Variants in CNTN5 observed in about 807,000 individuals in gnomAD.
CNTN5 encodes the protein contactin 5.
Under a neutral mutation model 129.1 loss-of-function variants are expected in CNTN5, and 77 were observed. The observed-to-expected ratio is 0.60, with a 90% CI of 0.50 to 0.72. The LOEUF is 0.72. CNTN5 is among the 30% of genes least tolerant of loss of function. The pLI is 0.00. For synonymous variants in CNTN5, 509 were observed against 465.6 expected (o/e 1.09, Z -1.20); for missense variants, 1,478 against 1,328.8 (o/e 1.11, Z -1.75).
At chr11:99,344,715 A>G (rs531325669) in intron 2 of CNTN5, among the ~76,000 whole-genome samples, 1 of 152,212 alleles carries the variant, frequency 6.6e-6, no homozygotes, top group Non-Finnish European at 1.5e-5. Context: ...AAAAGCATCA[A>G]AATGAGCAGC....
At chr11:99,283,933 C>A (rs1345228889) in intron 1 of CNTN5, among the ~76,000 whole-genome samples, 1 of 152,086 alleles carries the variant, frequency 6.6e-6, no homozygotes, top group African/African-American at 2.4e-5. Context: ...AGTACATTAA[C>A]CTTGCAAGAC....
At chr11:100,131,322 A>G (rs1375405119) in intron 13 of CNTN5, among the ~76,000 whole-genome samples, 3 of 152,124 alleles carry the variant, frequency 2.0e-5, no homozygotes, top group East Asian at 1.9e-4. Flanking sequence ...GGTAAATGCA[A>G]CAAACCTTGA....
chr11:99,978,560 C>G (rs1644143952), intron 8 of CNTN5, among the ~76,000 whole-genome samples: 2 of 151,996 alleles, frequency 1.3e-5, no homozygotes, highest in Admixed American at 6.6e-5. Context: ...TGTTTAGGCA[C>G]AAAAATACTT....
At chr11:99,107,886 G>A (rs552442104) in intron 1 of CNTN5, among the ~76,000 whole-genome samples, 10 of 142,488 alleles carry the variant, frequency 7.0e-5, no homozygotes, top group South Asian at 2.2e-4. Flanking sequence ...AGCCAAGATC[G>A]CACCACTGCA....
At chr11:99,330,528 C>T (rs1865958061) in intron 2 of CNTN5, among the ~76,000 whole-genome samples, 1 of 152,128 alleles carries the variant, frequency 6.6e-6, no homozygotes, top group Non-Finnish European at 1.5e-5. Context: ...TTCTTGTGCT[C>T]TCCAGAATGT....
At chr11:99,997,591 T>G (rs543029560) in intron 8 of CNTN5, among the ~76,000 whole-genome samples, 2 of 152,230 alleles carry the variant, frequency 1.3e-5, no homozygotes, top group African/African-American at 4.8e-5. Flanking sequence ...GAGGAACTGG[T>G]ACCATTTCTT....
At chr11:99,515,240 C>CA (rs1158864953) in intron 2 of CNTN5, among the ~76,000 whole-genome samples, 1 of 151,708 alleles carries the variant, frequency 6.6e-6, no homozygotes, top group Non-Finnish European at 1.5e-5. Flanking sequence ...TCAGACAAAG[C>CA]AAAAAAATTA....
intron 14 of CNTN5, among the ~76,000 whole-genome samples, chr11:100,192,360 G>A (rs1205586757): frequency 6.6e-6 from 1 of 151,986 alleles, no homozygotes; most frequent in Non-Finnish European, 1.5e-5. Context: ...GATGAGGCCA[G>A]AACTTAGAAT....
intron 1 of CNTN5, among the ~76,000 whole-genome samples, chr11:99,194,774 A>G (rs917696702): frequency 2.6e-5 from 4 of 151,852 alleles, no homozygotes; most frequent in Admixed American, 6.6e-5. Context: ...CCCAGCTAAT[A>G]TTTGTATTTT....
chr11:100,039,502 T>G (rs931356649), intron 9 of CNTN5, among the ~76,000 whole-genome samples: 1 of 152,288 alleles, frequency 6.6e-6, no homozygotes, highest in African/African-American at 2.4e-5. Flanking sequence ...TTTCCTGAAT[T>G]TGAATGTTGG....
In CNTN5 at chr11:99,217,812, A is replaced by G. The variant is rs150927498; in HGVS notation, c.-209-107534A>G. ...TTACATAAGGCCAATCCTTCTGCTTATTTGCTAGATTGCATCCCCTCTCAC... is the reference window on the plus strand; with the variant it reads ...TTACATAAGGCCAATCCTTCTGCTTGTTTGCTAGATTGCATCCCCTCTCAC... On this transcript the variant is annotated intron_variant, in intron 1 of 24. Coordinates refer to ENST00000524871, the MANE Select transcript of CNTN5 (RefSeq NM_014361.4). 2.5e-3 allele frequency among the ~76,000 whole-genome samples: 386 copies of G among 152,092 alleles called. 3 individuals are homozygous for G. The highest frequency in any genetic ancestry group is 2.2e-3 in the Non-Finnish European group (152 of 67,976).
intron 13 of CNTN5, among the ~76,000 whole-genome samples, chr11:100,084,589 C>A (rs1186022369): frequency 6.6e-6 from 1 of 151,892 alleles, no homozygotes; most frequent in Non-Finnish European, 1.5e-5. Flanking sequence ...AACTGTACAT[C>A]ATTTCCATGA....
intron 2 of CNTN5, among the ~76,000 whole-genome samples, chr11:99,481,856 G>T (rs1364266473): frequency 6.6e-6 from 1 of 152,132 alleles, no homozygotes; most frequent in East Asian, 1.9e-4. Flanking sequence ...TCTCTGTACT[G>T]CAATTATACT....
At chr11:99,486,975 T>C (rs1945843278) in intron 2 of CNTN5, among the ~76,000 whole-genome samples, 1 of 152,202 alleles carries the variant, frequency 6.6e-6, no homozygotes, top group South Asian at 2.1e-4. Flanking sequence ...AGGAACTGCA[T>C]CTGTCTTTTC....
intron 8 of CNTN5, among the ~76,000 whole-genome samples, chr11:99,961,157 A>G (rs1950932160): frequency 6.9e-6 from 1 of 145,252 alleles, no homozygotes; most frequent in Non-Finnish European, 1.5e-5. Flanking sequence ...GTGAGCCAAG[A>G]TCACGCCACT....
intron 6 of CNTN5, among the ~76,000 whole-genome samples, chr11:99,881,020 A>C (rs72991379): frequency 0.058 from 8,815 of 152,288 alleles, 276 homozygotes; most frequent in Middle Eastern, 0.075. Context: ...ATAGTAATTG[A>C]CTTTAAGAGT....
At chr11:99,727,318 A>C (rs1265163303) in intron 3 of CNTN5, among the ~76,000 whole-genome samples, 1 of 134,128 alleles carries the variant, frequency 7.5e-6, no homozygotes, top group Non-Finnish European at 1.6e-5. Context: ...GTCTCAAAAA[A>C]AAAAAAAAAA....
At chr11:99,296,432 T>G (rs993514001) in intron 1 of CNTN5, among the ~76,000 whole-genome samples, 1 of 152,226 alleles carries the variant, frequency 6.6e-6, no homozygotes, top group African/African-American at 2.4e-5. Flanking sequence ...AAAAAAGCTT[T>G]CTTTACCTGG....
intron 13 of CNTN5, among the ~76,000 whole-genome samples, chr11:100,116,804 A>T (rs192591284): frequency 1.7e-3 from 263 of 151,962 alleles, no homozygotes; most frequent in African/African-American, 6.0e-3. Flanking sequence ...TTGTTGATTT[A>T]AAAAAAAGTA....
Sources: gnomAD v4.1 joint callset for allele counts (sites outside exome capture counted in the v4.1 genomes callset) on GRCh38, gnomAD v4.1.1 for gene constraint, MANE v1.5 for transcripts, NCBI Gene and HGNC (gene_info 2026-07-23, HGNC 2026-07-21) for gene names.